Variants in TFDP2 observed in about 807,000 individuals in gnomAD.
TFDP2 encodes transcription factor Dp-2 (E2F dimerization partner 2).
Under a neutral mutation model 59.3 loss-of-function variants are expected in TFDP2, and 17 were observed. That is an observed-to-expected ratio of 0.29 (90% CI 0.20 to 0.43). The LOEUF (loss-of-function observed/expected upper bound fraction) is 0.43. Ranked by LOEUF, TFDP2 falls within the 20% of genes least tolerant of loss-of-function variation. The pLI is 1.00. For synonymous variants in TFDP2, 180 were observed against 194.7 expected, an observed-to-expected ratio of 0.92 and a Z score of 0.63; for missense variants, 391 against 528.8, an observed-to-expected ratio of 0.74 and a Z score of 2.56.
At chr3:142,017,646 G>A (rs1440488155) in intron 3 of TFDP2, among the ~76,000 whole-genome samples, 5 of 149,880 alleles carry the variant, frequency 3.3e-5, no homozygotes, top group African/African-American at 9.9e-5. Context: ...TGTGCCTGCC[G>A]GGTTCATGCG....
At chr3:141,994,314 CAT>C (rs1462766584) in intron 5 of TFDP2, 11 of 152,154 alleles carry the variant, frequency 7.2e-5, no homozygotes, top group Non-Finnish European at 1.6e-4. Context: ...CTCAAACTCA[CAT>C]ATGACAGAAT....
chr3:141,988,518 G>A (rs1288282130), intron 6 of TFDP2, among the ~76,000 whole-genome samples: 1 of 151,992 alleles, frequency 6.6e-6, no homozygotes, highest in Non-Finnish European at 1.5e-5. Context: ...TAGTTCTCCT[G>A]CCTCAGTAGA....
intron 3 of TFDP2, among the ~76,000 whole-genome samples, chr3:142,018,712 G>A (rs1331735550): frequency 6.6e-6 from 1 of 151,990 alleles, no homozygotes; most frequent in Non-Finnish European, 1.5e-5. Flanking sequence ...CCCAAAGTGG[G>A]ACTATAGGTG....
chr3:141,960,699 A>G (rs143609206), intron 10 of TFDP2, among the ~76,000 whole-genome samples: 1 of 152,304 alleles, frequency 6.6e-6, no homozygotes, highest in Non-Finnish European at 1.5e-5. Context: ...CAAAATACCA[A>G]TTTAAGTAAT....
At chr3:142,097,298 G>A (rs1034328575) in intron 2 of TFDP2, among the ~76,000 whole-genome samples, 2 of 152,088 alleles carry the variant, frequency 1.3e-5, no homozygotes, top group African/African-American at 4.8e-5. Flanking sequence ...TGATGAGTGA[G>A]CAAAAACAGA....
At chr3:142,007,211 ATAGAGT>A (rs1024270937) in intron 3 of TFDP2, among the ~76,000 whole-genome samples, 63 of 152,220 alleles carry the variant, frequency 4.1e-4, no homozygotes, top group African/African-American at 1.4e-3. Context: ...ATTTGGCATT[ATAGAGT>A]TAATTTTCCC....
At chr3:141,958,329 T>C (rs1936947394) in intron 11 of TFDP2, among the ~76,000 whole-genome samples, 2 of 152,180 alleles carry the variant, frequency 1.3e-5, no homozygotes, top group South Asian at 4.1e-4. Context: ...ATTATATCTA[T>C]ATTAAATCAC....
chr3:141,995,242 G>T lies in TFDP2; in HGVS notation c.187-101C>A, dbSNP rs1363452979. The T allele has an allele frequency of 9.8e-6, 10 of 1,016,594 alleles. No individual in the cohort carries two copies. The African/African-American group carries it at 1.3e-4, about 14-fold the overall frequency. The allele number at this position is 1,016,594 out of a possible 1,614,324, so 63.0% of individuals were successfully genotyped here. The stretch of plus-strand genomic sequence containing the variant: ...GCTAACCTACATATGAGGAAACCTT[G>T]CTGCCTAAAAGGCACTTAATGTCAG... On this transcript the variant is annotated intron_variant, in intron 4 of 12. Transcript: ENST00000489671.
At chr3:141,961,885 C>T (rs537762449) in intron 10 of TFDP2, among the ~76,000 whole-genome samples, 2 of 152,240 alleles carry the variant, frequency 1.3e-5, no homozygotes, top group Admixed American at 1.3e-4. Flanking sequence ...CTGCAGTGAG[C>T]TATAATCGTG....
rs1314272789 is a variant in TFDP2 at position 141,950,355 on chromosome 3, G to C, written c.*2158C>G. Reference sequence around the variant, plus strand: ...GGAAGGAGACCATTTCCCACCAACAGCACACACCTATGGCTGGGGTGGCCA... The same window carrying C: ...GGAAGGAGACCATTTCCCACCAACACCACACACCTATGGCTGGGGTGGCCA... On this transcript the variant is annotated 3_prime_UTR_variant, in exon 13 of 13. Coordinates refer to ENST00000489671, the MANE Select transcript of TFDP2 (RefSeq NM_001178139.2). The C allele has an allele frequency of 6.6e-6, 1 of 152,210 alleles. No homozygotes were observed. The highest frequency in any genetic ancestry group is 1.5e-5 in the Non-Finnish European group (1 of 68,070). The allele number at this position is 152,210 out of a possible 1,614,324, so 9.4% of individuals were successfully genotyped here.
chr3:141,995,061 A>G lies in TFDP2; in HGVS notation c.267T>C (p.Val89=). The G allele has an allele frequency of 6.2e-7, 1 of 1,610,886 alleles. No homozygotes were observed. The highest frequency in any genetic ancestry group is 8.5e-7 in the Non-Finnish European group (1 of 1,178,208). The change falls in exon 5 of 13, where the codon GTT becomes GTC. Residue 89 remains valine (V), a synonymous_variant. Coordinates refer to ENST00000489671, the MANE Select transcript of TFDP2 (RefSeq NM_001178139.2). ...TAGCTTCTGCTATGTGTGTCTGAGTAACCATTGCTGGTGCAGGGGTATATG... is the reference window on the plus strand; with the variant it reads ...TAGCTTCTGCTATGTGTGTCTGAGTGACCATTGCTGGTGCAGGGGTATATG... ...GSPYTPAPAM[V]TQTHIAEATG...
Position 141,964,637 on chromosome 3 carries a change from A to G in TFDP2, c.733-674T>C, listed in dbSNP as rs370471782. On this transcript the variant is annotated intron_variant, in intron 9 of 12. Transcript: ENST00000489671. Reference sequence around the variant, plus strand: ...ACTCCATTCCAGCCTGGGTGACAGAATGAGACCCTGTCTCAAAACAAAACA... The same window carrying G: ...ACTCCATTCCAGCCTGGGTGACAGAGTGAGACCCTGTCTCAAAACAAAACA... Among the ~76,000 whole-genome samples, 17 of 152,240 alleles carry G rather than the reference A, an allele frequency of 1.1e-4. 1 individual carries two copies. Among genetic ancestry groups the G allele is most frequent in the African/African-American group, 4.1e-4 (17 of 41,552 alleles).
intron 3 of TFDP2, among the ~76,000 whole-genome samples, chr3:142,015,224 G>A (rs535734571): frequency 7.9e-5 from 12 of 152,198 alleles, no homozygotes; most frequent in African/African-American, 2.2e-4. Context: ...TTCCTCATGA[G>A]ATGATCCCAT....
At chr3:142,051,225 C>G (rs1242632457) in intron 3 of TFDP2, among the ~76,000 whole-genome samples, 1 of 152,098 alleles carries the variant, frequency 6.6e-6, no homozygotes, top group Non-Finnish European at 1.5e-5. Context: ...TTCCTGCCTA[C>G]CCCCCAAGTT....
intron 1 of TFDP2, among the ~76,000 whole-genome samples, chr3:142,122,503 G>C (rs1426445970): frequency 6.6e-6 from 1 of 152,204 alleles, no homozygotes; most frequent in East Asian, 1.9e-4. Context: ...TTCCTGGGAA[G>C]TGCTCTGGGG....
At chr3:141,984,930 CTTT>C (rs1056348703) in intron 6 of TFDP2, among the ~76,000 whole-genome samples, 5 of 151,122 alleles carry the variant, frequency 3.3e-5, no homozygotes, top group African/African-American at 1.2e-4. Context: ...TGTTCTTCTT[CTTT>C]TTTTTTACAT....
intron 1 of TFDP2, among the ~76,000 whole-genome samples, chr3:142,108,743 G>A (rs1415767179): frequency 2.0e-5 from 3 of 152,086 alleles, no homozygotes; most frequent in African/African-American, 7.2e-5. Flanking sequence ...TGTCTAGGAT[G>A]CTGATGTGGT....
intron 6 of TFDP2, among the ~76,000 whole-genome samples, chr3:141,988,638 TGAA>T (rs1280377997): frequency 6.6e-6 from 1 of 151,772 alleles, no homozygotes; most frequent in East Asian, 1.9e-4. Context: ...TTTAATATCT[TGAA>T]GAACTGTTTT....
intron 6 of TFDP2, 150 bp downstream of exon 6, chr3:141,993,388 G>C: frequency 2.0e-6 from 1 of 498,818 alleles, no homozygotes; most frequent in East Asian, 3.3e-5. Context: ...GTGAACTGGG[G>C]CACTCAATGC....
Sources: allele counts gnomAD v4.1 joint callset (sites outside exome capture counted in the v4.1 genomes callset), GRCh38; gene constraint gnomAD v4.1.1; transcripts MANE v1.5; gene names NCBI Gene and HGNC (gene_info 2026-07-23, HGNC 2026-07-21).